The following ABL2 variants were observed in gnomAD, a reference collection of about 807,000 sequenced individuals.
The protein encoded by ABL2 is tyrosine-protein kinase ABL2.
ABL2 carries 49 observed loss-of-function variants against 107.7 expected under a neutral mutation model. The observed-to-expected ratio is 0.45, with a 90% CI of 0.36 to 0.58. The LOEUF is 0.58. ABL2 is among the 20% of genes least tolerant of loss of function. ABL2 has a pLI of 0.00. For synonymous variants in ABL2, 549 were observed against 548.6 expected (o/e 1.00, Z -0.01); for missense variants, 1,245 against 1,457.0 (o/e 0.85, Z 2.37).
intron 4 of ABL2, among the ~76,000 whole-genome samples, chr1:179,124,464 C>CTTTT (rs562899587): frequency 0.013 from 1,066 of 83,322 alleles, 288 homozygotes; most frequent in African/African-American, 0.044. Flanking sequence ...TTAGCTTCTG[C>CTTTT]TTTTTTTTTT....
intron 1 of ABL2, among the ~76,000 whole-genome samples, chr1:179,219,303 CAA>C (rs1489187388): frequency 2.0e-5 from 3 of 152,048 alleles, no homozygotes; most frequent in Admixed American, 6.5e-5. Context: ...TTCGGCCTCC[CAA>C]AGTGCTGGGA....
rs1655224003 is a variant in ABL2 at position 179,121,808 on chromosome 1, G to A, written c.747C>T (p.Ser249=). Residue 249 remains serine, a synonymous_variant, in exon 5 of 12, where the codon TCC becomes TCT. Coordinates refer to ENST00000502732, the MANE Select transcript of ABL2 (RefSeq NM_007314.4). ...TTGTCACCAGCCCATCAGCCACTGT[G>A]GAGTGATGGTGTACAAGCTCTGCCA... is the stretch of plus-strand genomic sequence containing the variant. ...STLAELVHHH[S]TVADGLVTTL... is the part of the protein sequence containing the mutation. 4 of 1,613,900 alleles carry A rather than the reference G, an allele frequency of 2.5e-6. No individual in the cohort carries two copies. Among genetic ancestry groups the A allele is most frequent in the Non-Finnish European group, 3.4e-6 (4 of 1,180,016 alleles).
intron 1 of ABL2, among the ~76,000 whole-genome samples, chr1:179,160,414 T>C (rs149640139): frequency 8.5e-5 from 13 of 152,084 alleles, no homozygotes; most frequent in African/African-American, 3.1e-4. Flanking sequence ...TCTACATCAT[T>C]CCTATATATC....
chr1:179,174,920 A>AAAAAAAAAAAT (rs1659958398), intron 1 of ABL2, among the ~76,000 whole-genome samples: 4 of 122,874 alleles, frequency 3.3e-5, no homozygotes, highest in Admixed American at 9.7e-5. Flanking sequence ...AAAATAAAAA[A>AAAAAAAAAAAT]AATAATAATA....
intron 1 of ABL2, among the ~76,000 whole-genome samples, chr1:179,216,456 C>T (rs963329276): frequency 2.6e-5 from 4 of 152,076 alleles, no homozygotes; most frequent in Non-Finnish European, 5.9e-5. Context: ...TTAGTTGTTT[C>T]GTAAGGATGT....
intron 1 of ABL2, among the ~76,000 whole-genome samples, chr1:179,203,482 T>C (rs932534723): frequency 2.0e-5 from 3 of 152,140 alleles, no homozygotes; most frequent in Admixed American, 6.5e-5. Context: ...TCATCCCTCA[T>C]TTTCAAGTAT....
chr1:179,166,096 C>A (rs1659362288), intron 1 of ABL2, among the ~76,000 whole-genome samples: 1 of 152,064 alleles, frequency 6.6e-6, no homozygotes, highest in Admixed American at 6.6e-5. Context: ...CACACCTGGC[C>A]CAGATTCAAG....
intron 1 of ABL2, among the ~76,000 whole-genome samples, chr1:179,181,497 T>C (rs754478703): frequency 2.6e-5 from 4 of 152,174 alleles, no homozygotes; most frequent in Non-Finnish European, 5.9e-5. Flanking sequence ...CTGCCCAACC[T>C]CGCTGAGCTT....
intron 1 of ABL2, among the ~76,000 whole-genome samples, chr1:179,134,848 G>T (rs140477729): frequency 0.012 from 1,755 of 152,342 alleles, 17 homozygotes; most frequent in Middle Eastern, 0.02. Flanking sequence ...TCCTGCCTCA[G>T]CTTGCTGAGT....
At chr1:179,205,253 T>C (rs1418943008) in intron 1 of ABL2, among the ~76,000 whole-genome samples, 2 of 152,056 alleles carry the variant, frequency 1.3e-5, no homozygotes, top group Non-Finnish European at 1.5e-5. Context: ...TCTCAAACTT[T>C]TGACCTCGTG....
At chr1:179,184,471 G>A (rs1178655128) in intron 1 of ABL2, 15 of 891,168 alleles carry the variant, frequency 1.7e-5, no homozygotes, top group Admixed American at 1.2e-4. Context: ...TCTGATGCAG[G>A]TGCTCATATG....
intron 1 of ABL2, among the ~76,000 whole-genome samples, chr1:179,170,723 T>G (rs907666275): frequency 6.6e-6 from 1 of 152,200 alleles, no homozygotes; most frequent in Non-Finnish European, 1.5e-5. Flanking sequence ...GCCTCCCGAG[T>G]AGCTGGGATT....
chr1:179,143,187 A>G (rs1363767724), intron 1 of ABL2: 8 of 1,179,954 alleles, frequency 6.8e-6, no homozygotes, highest in Non-Finnish European at 8.9e-6. Flanking sequence ...AATGGTGAGC[A>G]TTCACAATTC....
At chr1:179,218,680 G>A (rs1246752708) in intron 1 of ABL2, among the ~76,000 whole-genome samples, 2 of 152,178 alleles carry the variant, frequency 1.3e-5, no homozygotes, top group Admixed American at 1.3e-4. Context: ...TTACAGGCGT[G>A]AGCCACCACA....
intron 1 of ABL2, among the ~76,000 whole-genome samples, chr1:179,208,280 GT>G (rs1018121379): frequency 6.6e-6 from 1 of 151,994 alleles, no homozygotes; most frequent in African/African-American, 2.4e-5. Flanking sequence ...TGCCCAACAG[GT>G]TTTTCAACCC....
chr1:179,113,570 C>T (rs1186247983), intron 9 of ABL2, among the ~76,000 whole-genome samples: 2 of 152,122 alleles, frequency 1.3e-5, no homozygotes, highest in African/African-American at 2.4e-5. Flanking sequence ...GAGACTGAGT[C>T]GGGCAGATCA....
At chr1:179,137,557 G>A (rs1657153725) in intron 1 of ABL2, among the ~76,000 whole-genome samples, 2 of 152,132 alleles carry the variant, frequency 1.3e-5, no homozygotes, top group South Asian at 4.1e-4. Context: ...GAAATTATAA[G>A]AGAAAAACTC....
chr1:179,169,812 G>C (rs1348707235), intron 1 of ABL2, among the ~76,000 whole-genome samples: 1 of 152,094 alleles, frequency 6.6e-6, no homozygotes, highest in Non-Finnish European at 1.5e-5. Flanking sequence ...GGGAGGCTGA[G>C]TTGAGGCCAG....
intron 1 of ABL2, among the ~76,000 whole-genome samples, chr1:179,185,762 A>G (rs1252357888): frequency 6.6e-6 from 1 of 152,248 alleles, no homozygotes; most frequent in African/African-American, 2.4e-5. Context: ...ATGAAGATAT[A>G]TAATGAGAAT....
Sources: allele counts gnomAD v4.1 joint callset (sites outside exome capture counted in the v4.1 genomes callset), GRCh38; gene constraint gnomAD v4.1.1; transcripts MANE v1.5; gene names NCBI Gene and HGNC (gene_info 2026-07-23, HGNC 2026-07-21).